Variants in TANC1 observed in about 807,000 individuals in gnomAD.
The protein encoded by TANC1 is tetratricopeptide repeat, ankyrin repeat and coiled-coil containing 1.
TANC1 carries 77 observed loss-of-function variants against 149.7 expected under a neutral mutation model. The observed-to-expected ratio is 0.51, with a 90% CI of 0.43 to 0.62. The LOEUF is 0.62. TANC1 is among the 20% of genes least tolerant of loss of function. TANC1 has a pLI of 0.00. For synonymous variants in TANC1, 854 were observed against 925.0 expected, an observed-to-expected ratio of 0.92 and a Z score of 1.39; for missense variants, 1,985 against 2,321.8, an observed-to-expected ratio of 0.85 and a Z score of 2.98.
At position 159,170,402 on chromosome 2, in the gene TANC1, A is replaced by G. The variant is rs2055072611; in HGVS notation, c.1070-122A>G. ...TAATAGAACGAGATTGGAAATGCTT[A>G]CAGACAGATCCTAGTGGGGGTAAAG... On this transcript the variant is annotated intron_variant, in intron 9 of 26. Coordinates refer to ENST00000263635, the MANE Select transcript of TANC1 (RefSeq NM_033394.3). 3.4e-6 allele frequency: 3 copies of G among 879,844 alleles called. No individual in the cohort carries two copies. In the East Asian group the frequency reaches 8.0e-5, roughly 23 times the overall value. 54.5% of individuals were successfully genotyped at this position (879,844 alleles called of 1,614,324 possible). A position where few individuals can be genotyped will look rare whatever the true frequency, so the allele number is the denominator to read the frequency against.
At chr2:159,139,131 G>C (rs2051092907) in intron 5 of TANC1, among the ~76,000 whole-genome samples, 1 of 152,132 alleles carries the variant, frequency 6.6e-6, no homozygotes, top group South Asian at 2.1e-4. Context: ...GATTCAGGGG[G>C]CCGAGGTGGG....
At chr2:159,034,862 A>G (rs1365906) in intron 2 of TANC1, among the ~76,000 whole-genome samples, 37,323 of 151,970 alleles carry the variant, frequency 0.25, 6,020 homozygotes, top group Non-Finnish European at 0.37. Flanking sequence ...GTCCTCACGA[A>G]CTCACCGACG....
At chr2:159,107,461 C>T (rs2047296752) in intron 4 of TANC1, among the ~76,000 whole-genome samples, 1 of 152,142 alleles carries the variant, frequency 6.6e-6, no homozygotes, top group Admixed American at 6.5e-5. Context: ...CCCTGTTTTC[C>T]CCTAACAGTT....
chr2:159,105,309 A>T (rs264648), intron 4 of TANC1, among the ~76,000 whole-genome samples: 69,410 of 131,702 alleles, frequency 0.53, 16,219 homozygotes, highest in East Asian at 0.63. Context: ...CTTACTTTTT[A>T]AAAAAATTAG....
intron 7 of TANC1, among the ~76,000 whole-genome samples, chr2:159,156,279 CT>C (rs893433471): frequency 6.6e-6 from 1 of 151,794 alleles, no homozygotes; most frequent in South Asian, 2.1e-4. Context: ...TTATAGAAGC[CT>C]TTTTTTTAAA....
chr2:158,985,903 A>C (rs2034946660), intron 1 of TANC1, among the ~76,000 whole-genome samples: 2 of 152,134 alleles, frequency 1.3e-5, no homozygotes, highest in Non-Finnish European at 2.9e-5. Flanking sequence ...GGCCTCTCAA[A>C]GTGCTGCGAT....
chr2:159,206,707 T>G (rs1294533874), intron 19 of TANC1, among the ~76,000 whole-genome samples: 1 of 152,214 alleles, frequency 6.6e-6, no homozygotes, highest in African/African-American at 2.4e-5. Flanking sequence ...GAAATGATAT[T>G]TGGATTCTTT....
rs1345806726 is a variant in TANC1, at chr2:159,001,780, G to T, written c.-16+591G>T. Among the ~76,000 whole-genome samples the T allele has an allele frequency of 6.6e-6, 1 of 152,154 alleles. No homozygotes were observed. Among genetic ancestry groups the T allele is most frequent in the Non-Finnish European group, 1.5e-5 (1 of 68,034 alleles). ...GGTCATACATCCAGAAATGGTAGGG[G>T]CTGGGCTCAACCAGATCCTCACACT... On this transcript the variant is annotated intron_variant, in intron 2 of 26. Coordinates refer to ENST00000263635, the MANE Select transcript of TANC1 (RefSeq NM_033394.3). This position sits in a 1 kb window ranked among gnomAD's most constrained non-coding sequence, Gnocchi z 4.3.
At chr2:159,088,298 A>G (rs1392619397) in intron 3 of TANC1, among the ~76,000 whole-genome samples, 1 of 152,150 alleles carries the variant, frequency 6.6e-6, no homozygotes, top group East Asian at 1.9e-4. Flanking sequence ...TTTTAGAAAA[A>G]TTACTTTATC....
chr2:159,136,339 T>C, intron 5 of TANC1, 41 bp downstream of exon 5: 1 of 1,115,846 alleles, frequency 9.0e-7, no homozygotes, highest in South Asian at 1.2e-5. Flanking sequence ...TACCAAAGAT[T>C]TTATACAATG....
intron 2 of TANC1, among the ~76,000 whole-genome samples, chr2:159,065,423 C>G (rs2042576420): frequency 6.6e-6 from 1 of 152,214 alleles, no homozygotes; most frequent in African/African-American, 2.4e-5. Context: ...CATTTCATAA[C>G]CTTCCAAAAT....
chr2:159,211,253 G>A (rs2058963622), intron 19 of TANC1, among the ~76,000 whole-genome samples: 1 of 152,216 alleles, frequency 6.6e-6, no homozygotes, highest in South Asian at 2.1e-4. Flanking sequence ...TGAGGTATGT[G>A]CTTTCATGGG....
In TANC1 at chr2:159,136,178, A is replaced by T; in HGVS notation, c.260-16A>T. ...TCTGGAAAAAATTAGCCACACTCAG[A>T]TCTTTCCCACTACAGGTCCCGTCAG... On this transcript the variant is annotated splice_polypyrimidine_tract_variant and intron_variant, in intron 4 of 26. Transcript: ENST00000263635. The T allele has an allele frequency of 2.7e-6, 4 of 1,504,434 alleles. No individual in the cohort carries two copies. The highest frequency in any genetic ancestry group is 3.7e-6 in the Non-Finnish European group (4 of 1,079,662). 93.2% of individuals were successfully genotyped at this position (1,504,434 alleles called of 1,614,324 possible).
At chr2:159,168,980 T>C (rs2054896895) in intron 8 of TANC1, among the ~76,000 whole-genome samples, 1 of 152,208 alleles carries the variant, frequency 6.6e-6, no homozygotes, top group Non-Finnish European at 1.5e-5. Flanking sequence ...AAACACTTTA[T>C]GGTGAATTCT....
Position 159,225,870 on chromosome 2 carries a change from C to A in TANC1, c.3903+91C>A, listed in dbSNP as rs115959896. The A allele has an allele frequency of 1.4e-3, 1,403 of 1,022,712 alleles. 19 individuals carry two copies. The African/African-American group carries it at 0.02, about 15-fold the overall frequency. The allele number at this position is 1,022,712 out of a possible 1,614,324, so 63.4% of individuals were successfully genotyped here. ...TAATGGCTACAGCTGTGCTACTGCA[C>A]AGTCTCCATGTAATAGAAGTGCAAA... On this transcript the variant is annotated intron_variant, in intron 24 of 26. Transcript: ENST00000263635.
chr2:159,148,509 A>G (rs1386051372), intron 5 of TANC1: 1 of 152,248 alleles, frequency 6.6e-6, no homozygotes, highest in African/African-American at 2.4e-5. Context: ...CATGGGCAAC[A>G]GTGGTACTGG....
At chr2:159,003,961 T>C in intron 2 of TANC1, 1 of 1,612,578 alleles carries the variant, frequency 6.2e-7, no homozygotes, top group Non-Finnish European at 8.5e-7. Flanking sequence ...ACAAAAAGCT[T>C]CAGAGTTCTC....
chr2:159,015,517 T>TA (rs1379150578), intron 2 of TANC1, among the ~76,000 whole-genome samples: 8 of 152,230 alleles, frequency 5.3e-5, no homozygotes, highest in Non-Finnish European at 7.3e-5. Context: ...CTTCATTACT[T>TA]ACGCAAATTT....
chr2:159,052,389 G>A (rs1277264802), intron 2 of TANC1, among the ~76,000 whole-genome samples: 2 of 152,164 alleles, frequency 1.3e-5, no homozygotes, highest in Admixed American at 6.5e-5. Flanking sequence ...ATTGCTAGCA[G>A]TGGCGTGTAT....
Sources: allele counts gnomAD v4.1 joint callset (sites outside exome capture counted in the v4.1 genomes callset), GRCh38; gene constraint gnomAD v4.1.1; non-coding constraint Gnocchi (gnomAD v3.1); transcripts MANE v1.5; gene names NCBI Gene and HGNC (gene_info 2026-07-23, HGNC 2026-07-21).